Variants in CEP85L observed in about 807,000 individuals in gnomAD.
CEP85L encodes the protein centrosomal protein 85L.
A neutral mutation model predicts 100.3 loss-of-function variants in CEP85L; 60 were observed. The observed-to-expected ratio is 0.60, with a 90% CI of 0.49 to 0.74. CEP85L has a LOEUF of 0.74. Ranked by LOEUF, CEP85L falls within the 30% of genes least tolerant of loss-of-function variation. The pLI is 0.00. For missense variants in CEP85L, 973 were observed against 936.2 expected (o/e 1.04, Z -0.51); for synonymous variants, 319 against 322.7 (o/e 0.99, Z 0.12).
At chr6:118,688,385 T>C (rs556051476) in intron 1 of CEP85L, among the ~76,000 whole-genome samples, 2 of 152,196 alleles carry the variant, frequency 1.3e-5, no homozygotes, top group East Asian at 3.9e-4. Context: ...GGCAGGTACT[T>C]TGTTTATCTT....
At chr6:118,614,215 G>A (rs941766103) in intron 2 of CEP85L, among the ~76,000 whole-genome samples, 8 of 152,272 alleles carry the variant, frequency 5.3e-5, no homozygotes, top group African/African-American at 1.9e-4. Context: ...GGAATAAGAA[G>A]TGCCCTCAAA....
chr6:118,487,979 T>G (rs893576978), intron 6 of CEP85L, among the ~76,000 whole-genome samples: 1 of 151,930 alleles, frequency 6.6e-6, no homozygotes, highest in Admixed American at 6.6e-5. Flanking sequence ...CCTAGAATAC[T>G]CCTGAAGCCT....
chr6:118,654,099 C>T (rs1487106944), upstream of CEP85L, among the ~76,000 whole-genome samples: 1 of 152,058 alleles, frequency 6.6e-6, no homozygotes, highest in Non-Finnish European at 1.5e-5. Context: ...AGGGATATGA[C>T]AATGAATAAA....
chr6:118,651,635 G>C, upstream of CEP85L: 1 of 1,023,316 alleles, frequency 9.8e-7, no homozygotes, highest in Non-Finnish European at 1.2e-6. Flanking sequence ...CTGGGGCCGC[G>C]AGGGGGCGGG....
chr6:118,612,839 C>A (rs568643930), intron 2 of CEP85L, among the ~76,000 whole-genome samples: 23 of 152,108 alleles, frequency 1.5e-4, no homozygotes, highest in African/African-American at 5.3e-4. Flanking sequence ...TTAATGTGAT[C>A]AGGAGATGGT....
At chr6:118,541,459 A>AG (rs2114879111) in intron 3 of CEP85L, among the ~76,000 whole-genome samples, 1 of 152,344 alleles carries the variant, frequency 6.6e-6, no homozygotes, top group Admixed American at 6.5e-5. Flanking sequence ...ACATTTTTAC[A>AG]TCTTTTGCTT....
chr6:118,650,888 G>T (rs1008320363), intron 1 of CEP85L, among the ~76,000 whole-genome samples: 1 of 152,322 alleles, frequency 6.6e-6, no homozygotes, highest in Non-Finnish European at 1.5e-5. Flanking sequence ...CGAGTAAAAG[G>T]AAAAAACCGG....
In CEP85L at chr6:118,491,785, T is replaced by C; in HGVS notation, c.1338A>G (p.Gln446=). 6.2e-7 allele frequency: 1 copy of C among 1,613,110 alleles called. No homozygotes were observed. Among genetic ancestry groups the C allele is most frequent in the Non-Finnish European group, 8.5e-7 (1 of 1,179,492 alleles). Residue 446 remains glutamine (Q), a synonymous_variant, in exon 6 of 13, where the codon CAA becomes CAG. Coordinates refer to ENST00000368491, the MANE Select transcript of CEP85L (RefSeq NM_001042475.3). ...VSHSQQGEFE[Q]KLASTEKEVL... is the part of the protein sequence containing the mutation. The stretch of plus-strand genomic sequence containing the variant: ...CTTCTTTCTCAGTAGATGCAAGCTT[T>C]TGCTCAAATTCCCCTTGTTGGGAAT...
intron 5 of CEP85L, among the ~76,000 whole-genome samples, chr6:118,493,586 G>A (rs989475358): frequency 2.6e-5 from 4 of 152,168 alleles, no homozygotes; most frequent in African/African-American, 9.6e-5. Context: ...AGAGCATGGA[G>A]AACAGAATGA....
chr6:118,665,206 T>A (rs1338879079), intron 1 of CEP85L, among the ~76,000 whole-genome samples: 1 of 152,148 alleles, frequency 6.6e-6, no homozygotes, highest in Non-Finnish European at 1.5e-5. Flanking sequence ...ACTGCCCCCA[T>A]GTGTACCAGC....
chr6:118,680,140 A>G (rs914643758), intron 1 of CEP85L, among the ~76,000 whole-genome samples: 6 of 151,850 alleles, frequency 4.0e-5, no homozygotes, highest in Non-Finnish European at 7.4e-5. Flanking sequence ...AAAAAATTTA[A>G]AAGTATTCTG....
At chr6:118,542,202 G>C (rs185950578) in intron 3 of CEP85L, among the ~76,000 whole-genome samples, 53 of 152,154 alleles carry the variant, frequency 3.5e-4, no homozygotes, top group Admixed American at 3.1e-3. Context: ...ATTAAAATTT[G>C]TAACATATAT....
chr6:118,683,099 A>T (rs1224135935), intron 1 of CEP85L, among the ~76,000 whole-genome samples: 3 of 152,236 alleles, frequency 2.0e-5, no homozygotes, highest in Non-Finnish European at 4.4e-5. Context: ...TATTCCTGGT[A>T]GCCTCTAAGT....
At chr6:118,597,071 C>T (rs1781495151) in intron 2 of CEP85L, among the ~76,000 whole-genome samples, 1 of 151,820 alleles carries the variant, frequency 6.6e-6, no homozygotes, top group Non-Finnish European at 1.5e-5. Context: ...CCCCTTTGCT[C>T]GAAACTTCTC....
In CEP85L at chr6:118,464,064, A is replaced by C. The variant is rs1204750003; in HGVS notation, c.*1341T>G. The C allele has an allele frequency of 6.6e-6, 1 of 152,180 alleles. No individual in the cohort carries two copies. Among genetic ancestry groups the C allele is most frequent in the Non-Finnish European group, 1.5e-5 (1 of 68,012 alleles). The allele number at this position is 152,180 out of a possible 1,614,324, so 9.4% of individuals were successfully genotyped here. A position where few individuals can be genotyped will look rare whatever the true frequency, so the allele number is the denominator to read the frequency against. ...CCCCTCCATCTCTTATTTAGTCTTG[A>C]CCTAAATGAGACTTGGTTGCATCAC... On this transcript the variant is annotated 3_prime_UTR_variant, in exon 13 of 13. Transcript: ENST00000368491.
intron 8 of CEP85L, among the ~76,000 whole-genome samples, 178 bp downstream of exon 8, chr6:118,481,600 GA>G (rs1459443473): frequency 6.6e-6 from 1 of 151,962 alleles, no homozygotes; most frequent in African/African-American, 2.4e-5. Flanking sequence ...TCCAAAAGCT[GA>G]AAAAAATCTT....
chr6:118,477,623 C>T (rs1773482224), intron 10 of CEP85L, among the ~76,000 whole-genome samples: 1 of 151,938 alleles, frequency 6.6e-6, no homozygotes, highest in African/African-American at 2.4e-5. Context: ...ATGCAGTGCA[C>T]CAAATCAAGA....
At chr6:118,648,863 A>C (rs899049156) in intron 1 of CEP85L, among the ~76,000 whole-genome samples, 2 of 152,336 alleles carry the variant, frequency 1.3e-5, no homozygotes, top group South Asian at 4.1e-4. Context: ...CCACATATTA[A>C]GATAAACTCA....
In CEP85L at chr6:118,625,675, G is replaced by A. The variant is rs1037646350; in HGVS notation, c.232+6778C>T. Among the ~76,000 whole-genome samples the A allele has an allele frequency of 9.9e-5, 15 of 152,094 alleles. 1 individual carries two copies. Among genetic ancestry groups the A allele is most frequent in the East Asian group, 3.9e-4 (2 of 5,182 alleles). ...TGTCAACCAGTCAGGAATTATTGCC[G>A]AAAAAGTCCAGGAGCTAAGGGAATG... is the stretch of plus-strand genomic sequence containing the variant. On this transcript the variant is annotated intron_variant, in intron 2 of 12. Coordinates refer to ENST00000368491, the MANE Select transcript of CEP85L (RefSeq NM_001042475.3).
Sources: gnomAD v4.1 joint callset for allele counts (sites outside exome capture counted in the v4.1 genomes callset) on GRCh38, gnomAD v4.1.1 for gene constraint, MANE v1.5 for transcripts, NCBI Gene and HGNC (gene_info 2026-07-23, HGNC 2026-07-21) for gene names.